Variants in CCDC85A observed in about 807,000 individuals in gnomAD.
CCDC85A encodes the protein coiled-coil domain containing 85A.
CCDC85A carries 38 observed loss-of-function variants against 50.2 expected under a neutral mutation model. The observed-to-expected ratio is 0.76, with a 90% CI of 0.58 to 0.99. The LOEUF is 0.99. Among genes scored for constraint, CCDC85A ranks in the 50% least tolerant of loss-of-function variants. The probability of loss-of-function intolerance (pLI) is 0.00; values close to 1 mark genes in which losing one functional copy is unlikely to be tolerated. For missense variants in CCDC85A, 820 were observed against 742.0 expected (o/e 1.11, Z -1.22); for synonymous variants, 366 against 301.4 (o/e 1.21, Z -2.22).
At chr2:56,338,418 TAGC>T (rs975048036) in intron 2 of CCDC85A, among the ~76,000 whole-genome samples, 1 of 151,810 alleles carries the variant, frequency 6.6e-6, no homozygotes, top group Non-Finnish European at 1.5e-5. Context: ...AAAAGGGAAA[TAGC>T]AGCATGGGGA....
chr2:56,237,813 T>C (rs1669086037), intron 2 of CCDC85A, among the ~76,000 whole-genome samples: 1 of 152,142 alleles, frequency 6.6e-6, no homozygotes. Flanking sequence ...TGTCATTTCT[T>C]TTGTCAATGA....
chr2:56,215,650 T>A (rs1413487072), intron 2 of CCDC85A, among the ~76,000 whole-genome samples: 1 of 151,440 alleles, frequency 6.6e-6, no homozygotes, highest in Admixed American at 6.6e-5. Context: ...GTTGATATCA[T>A]GGTTTTTCTT....
chr2:56,302,076 T>TG (rs752053869), intron 2 of CCDC85A, among the ~76,000 whole-genome samples: 4 of 151,538 alleles, frequency 2.6e-5, no homozygotes, highest in African/African-American at 4.9e-5. Context: ...GCCAACAAGG[T>TG]GAAATCCCAT....
chr2:56,326,403 G>T (rs1477050618), intron 2 of CCDC85A, among the ~76,000 whole-genome samples: 1 of 152,108 alleles, frequency 6.6e-6, no homozygotes, highest in Non-Finnish European at 1.5e-5. Flanking sequence ...TTGCTTGCTT[G>T]ACCAAATTGA....
chr2:56,343,389 A>T (rs562117386), intron 3 of CCDC85A, among the ~76,000 whole-genome samples: 1 of 152,244 alleles, frequency 6.6e-6, no homozygotes, highest in Non-Finnish European at 1.5e-5. Context: ...AAATTAGTAC[A>T]TTCTAAAATT....
chr2:56,342,490 T>G (rs1437780474), intron 2 of CCDC85A, among the ~76,000 whole-genome samples: 1 of 152,216 alleles, frequency 6.6e-6, no homozygotes, highest in Non-Finnish European at 1.5e-5. Flanking sequence ...TAATTAATAA[T>G]GATGTTGGAC....
intron 1 of CCDC85A, among the ~76,000 whole-genome samples, chr2:56,186,910 A>C (rs1676072977): frequency 6.6e-6 from 1 of 152,156 alleles, no homozygotes; most frequent in South Asian, 2.1e-4. Context: ...TTGCCAGTCT[A>C]CTTCCTTATC....
chr2:56,350,430 G>C lies in CCDC85A; in HGVS notation c.1317+7475G>C, dbSNP rs187112493. 3.5e-3 allele frequency among the ~76,000 whole-genome samples: 529 copies of C among 152,252 alleles called. 4 individuals carry two copies. Among genetic ancestry groups the C allele is most frequent in the African/African-American group, 0.011 (446 of 41,560 alleles). ...TACTAAAAATACAAAAATTAGCAGG[G>C]TATGGTGGCAAATGCCTGTAATCCA... On this transcript the variant is annotated intron_variant, in intron 3 of 5. Transcript: ENST00000407595.
Position 56,367,101 on chromosome 2 carries a change from A to AT in CCDC85A, c.1318-5243_1318-5242insT, listed in dbSNP as rs533014269. Among the ~76,000 whole-genome samples the AT allele has an allele frequency of 5.1e-3, 777 of 152,218 alleles. 10 individuals are homozygous for AT. The highest frequency in any genetic ancestry group is 6.8e-3 in the Non-Finnish European group (465 of 68,020). On this transcript the variant is annotated intron_variant, in intron 3 of 5. Transcript: ENST00000407595. ...CTTTATGATCTTCCATAATTTCCAC[A>AT]GAGCCCCTTCTGCCAATTGTATTCT...
At chr2:56,330,348 G>A (rs1396626304) in intron 2 of CCDC85A, among the ~76,000 whole-genome samples, 1 of 152,030 alleles carries the variant, frequency 6.6e-6, no homozygotes, top group African/African-American at 2.4e-5. Flanking sequence ...GCAATTTTAG[G>A]GCATAAAGAA....
intron 3 of CCDC85A, among the ~76,000 whole-genome samples, chr2:56,353,292 T>C (rs1675049529): frequency 1.3e-5 from 2 of 152,204 alleles, no homozygotes; most frequent in Admixed American, 6.5e-5. Flanking sequence ...TAACATGCAG[T>C]CCCCTTAATG....
intron 2 of CCDC85A, among the ~76,000 whole-genome samples, chr2:56,252,405 A>T (rs550965758): frequency 1.3e-5 from 2 of 152,232 alleles, no homozygotes; most frequent in African/African-American, 4.8e-5. Context: ...ATGACAGGGA[A>T]ACTCAGCCTG....
intron 3 of CCDC85A, among the ~76,000 whole-genome samples, chr2:56,348,492 T>C (rs1404016140): frequency 6.6e-6 from 1 of 152,194 alleles, no homozygotes; most frequent in Non-Finnish European, 1.5e-5. Context: ...GAAATGGAAA[T>C]GAAAAGTCTC....
chr2:56,227,961 A>T lies in CCDC85A; in HGVS notation c.1240+34521A>T, dbSNP rs143696531. ...ACTTATCACTCTGTTGTGAGCCTAT[A>T]CTGTGACTTATAAGACAGATCAGTC... On this transcript the variant is annotated intron_variant, in intron 2 of 5. Coordinates refer to ENST00000407595, the MANE Select transcript of CCDC85A (RefSeq NM_001080433.2). Among the ~76,000 whole-genome samples, 169 of 152,342 alleles carry T rather than the reference A, an allele frequency of 1.1e-3. 1 individual carries two copies. Among genetic ancestry groups the T allele is most frequent in the African/African-American group, 4.0e-3 (167 of 41,596 alleles).
intron 2 of CCDC85A, among the ~76,000 whole-genome samples, chr2:56,257,503 G>T (rs961669980): frequency 9.2e-5 from 14 of 152,070 alleles, no homozygotes; most frequent in African/African-American, 3.4e-4. Flanking sequence ...ATGAGAGGTG[G>T]GAGAAGTTAG....
chr2:56,294,599 C>T (rs1671866419), intron 2 of CCDC85A, among the ~76,000 whole-genome samples: 1 of 152,152 alleles, frequency 6.6e-6, no homozygotes. Context: ...TAACTCTATT[C>T]AGAGTTGACA....
At chr2:56,355,690 A>G (rs1174243077) in intron 3 of CCDC85A, among the ~76,000 whole-genome samples, 1 of 152,220 alleles carries the variant, frequency 6.6e-6, no homozygotes, top group Non-Finnish European at 1.5e-5. Flanking sequence ...AGTTTTATTA[A>G]TTTGACTATT....
chr2:56,334,977 C>A (rs1673999944), intron 2 of CCDC85A, among the ~76,000 whole-genome samples: 1 of 152,060 alleles, frequency 6.6e-6, no homozygotes, highest in Non-Finnish European at 1.5e-5. Flanking sequence ...TGGACTAGGG[C>A]AAAATCTGAT....
chr2:56,307,846 T>C (rs1263945816), intron 2 of CCDC85A, among the ~76,000 whole-genome samples: 3 of 152,194 alleles, frequency 2.0e-5, no homozygotes, highest in Non-Finnish European at 2.9e-5. Flanking sequence ...ATGTAACTCA[T>C]AGATAGGACT....
Sources: allele counts gnomAD v4.1 joint callset (sites outside exome capture counted in the v4.1 genomes callset), GRCh38; gene constraint gnomAD v4.1.1; transcripts MANE v1.5; gene names NCBI Gene and HGNC (gene_info 2026-07-23, HGNC 2026-07-21).